The following PACSIN2 variants were observed in gnomAD, a reference collection of about 807,000 sequenced individuals.
PACSIN2 encodes the protein protein kinase C and casein kinase substrate in neurons 2, also known as protein kinase C and casein kinase substrate in neurons protein 2.
A neutral mutation model predicts 63.8 loss-of-function variants in PACSIN2; 25 were observed. That is an observed-to-expected ratio of 0.39 (90% confidence interval 0.29 to 0.55). The LOEUF (loss-of-function observed/expected upper bound fraction) is 0.55, where lower values mean the gene tolerates loss of function less well. PACSIN2 is among the 20% of genes least tolerant of loss of function. The pLI, the probability that PACSIN2 is intolerant of heterozygous loss-of-function variation, is 0.62. For missense variants in PACSIN2, 518 were observed against 646.9 expected (o/e 0.80, Z 2.16); for synonymous variants, 255 against 256.2 (o/e 1.00, Z 0.05).
Position 42,962,334 on chromosome 22 carries a change from T to C in PACSIN2, c.-77-50177A>G, listed in dbSNP as rs78225773. Among the ~76,000 whole-genome samples the C allele has an allele frequency of 6.6e-3, 1,004 of 152,240 alleles. 7 individuals are homozygous for C. The highest frequency in any genetic ancestry group is 8.2e-3 in the Non-Finnish European group (559 of 68,024). On this transcript the variant is annotated intron_variant, in intron 1 of 10. Transcript: ENST00000263246. ...CACTTACTTTATTTCTGGCTAATCATGAAAATAGCTCTTTGGGGGTAAGCA... is the reference window on the plus strand; with the variant it reads ...CACTTACTTTATTTCTGGCTAATCACGAAAATAGCTCTTTGGGGGTAAGCA...
chr22:42,963,449 G>A (rs1349696843), intron 1 of PACSIN2, among the ~76,000 whole-genome samples: 1 of 152,280 alleles, frequency 6.6e-6, no homozygotes. Context: ...TTCGCCCAGC[G>A]GTCAGTGCAG....
At chr22:42,942,674 C>G (rs1481806076) in intron 1 of PACSIN2, among the ~76,000 whole-genome samples, 1 of 152,156 alleles carries the variant, frequency 6.6e-6, no homozygotes. Flanking sequence ...TTTTCTTTCC[C>G]CCATTGAACT....
At chr22:42,884,886 C>T (rs1297995657) in intron 5 of PACSIN2, among the ~76,000 whole-genome samples, 7 of 152,252 alleles carry the variant, frequency 4.6e-5, no homozygotes, top group Non-Finnish European at 1.0e-4. Context: ...AAGGGCTGTG[C>T]CTGGCTACCC....
intron 1 of PACSIN2, among the ~76,000 whole-genome samples, chr22:42,926,534 C>T (rs966622410): frequency 2.6e-5 from 4 of 152,132 alleles, no homozygotes; most frequent in African/African-American, 4.8e-5. Context: ...AGGAACTCCA[C>T]GAGGACACAG....
chr22:42,882,935 G>A (rs1929189847), intron 6 of PACSIN2, among the ~76,000 whole-genome samples: 1 of 152,182 alleles, frequency 6.6e-6, no homozygotes, highest in African/African-American at 2.4e-5. Context: ...TCCGTTGAGT[G>A]GGCATGATCC....
intron 1 of PACSIN2, among the ~76,000 whole-genome samples, chr22:42,983,334 A>AG (rs1264172286): frequency 6.6e-6 from 1 of 150,384 alleles, no homozygotes; most frequent in African/African-American, 2.4e-5. Flanking sequence ...AAAAAAAAAA[A>AG]AAGAAACTGG....
At chr22:42,906,796 T>C (rs892311970) in intron 2 of PACSIN2, among the ~76,000 whole-genome samples, 3 of 152,192 alleles carry the variant, frequency 2.0e-5, no homozygotes, top group Admixed American at 6.5e-5. Context: ...AAACGAAGAT[T>C]ACGCAATATA....
chr22:42,961,447 T>TAAAAAAAA (rs10678680), intron 1 of PACSIN2, among the ~76,000 whole-genome samples: 2 of 121,214 alleles, frequency 1.6e-5, no homozygotes, highest in Non-Finnish European at 1.7e-5. Context: ...AATGATCAAT[T>TAAAAAAAA]AAAAAAAAAA....
chr22:42,891,561 TG>T (rs1602193382), intron 3 of PACSIN2, among the ~76,000 whole-genome samples: 1 of 152,094 alleles, frequency 6.6e-6, no homozygotes, highest in African/African-American at 2.4e-5. Flanking sequence ...CCACCACGCC[TG>T]GCTAAATTTT....
chr22:42,940,080 C>T (rs1933083328), intron 1 of PACSIN2, among the ~76,000 whole-genome samples: 1 of 152,184 alleles, frequency 6.6e-6, no homozygotes, highest in African/African-American at 2.4e-5. Flanking sequence ...CAGGGAAGCT[C>T]CTCCGAAGGC....
intron 1 of PACSIN2, among the ~76,000 whole-genome samples, chr22:42,942,752 T>G (rs568438519): frequency 6.6e-6 from 1 of 152,320 alleles, no homozygotes; most frequent in South Asian, 2.1e-4. Flanking sequence ...TTCTTGACTC[T>G]ATCTCATTTT....
chr22:42,889,373 T>TACACACACACACACACACAC (rs58408551), intron 4 of PACSIN2, among the ~76,000 whole-genome samples: 13,315 of 122,200 alleles, frequency 0.11, 680 homozygotes, highest in East Asian at 0.15. Context: ...TAATGGTTTT[T>TACACACACACACACACACAC]ACACACACAC....
chr22:42,919,892 G>A (rs140659403), intron 1 of PACSIN2, among the ~76,000 whole-genome samples: 229 of 151,374 alleles, frequency 1.5e-3, no homozygotes, highest in South Asian at 4.6e-3. Flanking sequence ...CAAAGCAGGT[G>A]GATCACTTGA....
chr22:42,902,863 C>T (rs1388997707), intron 2 of PACSIN2, among the ~76,000 whole-genome samples: 3 of 152,248 alleles, frequency 2.0e-5, no homozygotes, highest in Non-Finnish European at 4.4e-5. Context: ...ATCCACCCAC[C>T]TCAGCCTCCC....
At chr22:42,909,594 C>T in intron 2 of PACSIN2, 1 of 471,132 alleles carries the variant, frequency 2.1e-6, no homozygotes, top group Non-Finnish European at 4.4e-6. Context: ...GACAGCATCA[C>T]AAGCTGAGCA....
At position 42,888,881 on chromosome 22, in the gene PACSIN2, T is replaced by C. The variant is rs745608807; in HGVS notation, c.454-83A>G. The C allele has an allele frequency of 4.2e-6, 6 of 1,419,394 alleles. No individual in the cohort carries two copies. In the African/African-American group the frequency reaches 7.1e-5, roughly 17 times the overall value. 87.9% of individuals were successfully genotyped at this position (1,419,394 alleles called of 1,614,324 possible). A position where few individuals can be genotyped will look rare whatever the true frequency, so the allele number is the denominator to read the frequency against. On this transcript the variant is annotated intron_variant, in intron 4 of 10. Transcript: ENST00000263246. ...GAAGTCACACAGACCATGGGAATGC[T>C]TGTGCTACCAAGAGGGGAGAAAAAG...
chr22:42,975,290 C>T (rs1921613229), intron 1 of PACSIN2, among the ~76,000 whole-genome samples: 1 of 152,040 alleles, frequency 6.6e-6, no homozygotes, highest in Non-Finnish European at 1.5e-5. Context: ...GTGGTTTACT[C>T]ATAAGACAAA....
At chr22:42,950,949 A>C (rs958078964) in intron 1 of PACSIN2, among the ~76,000 whole-genome samples, 1 of 152,070 alleles carries the variant, frequency 6.6e-6, no homozygotes, top group African/African-American at 2.4e-5. Context: ...GGGCTGGGGG[A>C]AAGCATGAAG....
At chr22:42,898,015 C>A (rs1930407598) in intron 2 of PACSIN2, among the ~76,000 whole-genome samples, 2 of 151,648 alleles carry the variant, frequency 1.3e-5, no homozygotes, top group African/African-American at 2.4e-5. Flanking sequence ...GGGTGTCAGG[C>A]TTGGGGACTG....
Sources: allele counts gnomAD v4.1 joint callset (sites outside exome capture counted in the v4.1 genomes callset), GRCh38; gene constraint gnomAD v4.1.1; transcripts MANE v1.5; gene names NCBI Gene and HGNC (gene_info 2026-07-23, HGNC 2026-07-21).